MYO16: variants seen among roughly 807,000 people sequenced by gnomAD.
MYO16 encodes the protein myosin XVI.
A neutral mutation model predicts 205.3 loss-of-function variants in MYO16; 94 were observed. The ratio of observed to expected loss-of-function variants is 0.46; its 90% CI spans 0.39 to 0.54. MYO16 has a LOEUF of 0.54. MYO16 is among the 20% of genes least tolerant of loss of function. The pLI is 0.00. For missense variants in MYO16, 2,315 were observed against 2,387.5 expected (o/e 0.97, Z 0.63); for synonymous variants, 988 against 954.0 (o/e 1.04, Z -0.66).
chr13:109,161,121 C>T (rs768547970), intron 32 of MYO16, among the ~76,000 whole-genome samples: 55 of 152,110 alleles, frequency 3.6e-4, no homozygotes, highest in Non-Finnish European at 7.1e-4. Flanking sequence ...AGTAGAATGC[C>T]GCGGCTACTA....
intron 3 of MYO16, among the ~76,000 whole-genome samples, chr13:108,719,188 T>A (rs1186936111): frequency 2.0e-5 from 3 of 152,172 alleles, no homozygotes; most frequent in Non-Finnish European, 4.4e-5. Context: ...TTCCACAGAC[T>A]TCTTATAGAA....
intron 1 of MYO16, among the ~76,000 whole-genome samples, chr13:108,611,626 T>G (rs181205902): frequency 3.0e-4 from 46 of 152,314 alleles, no homozygotes; most frequent in African/African-American, 1.1e-3. Flanking sequence ...ACTAAAAAGA[T>G]AAGTCACATC....
upstream of MYO16, among the ~76,000 whole-genome samples, chr13:108,594,317 A>G (rs1878480220): frequency 6.6e-6 from 1 of 152,156 alleles, no homozygotes; most frequent in East Asian, 1.9e-4. Context: ...ATGCCCCACG[A>G]TGCCTCACTG....
At chr13:108,807,158 A>G (rs1887140654) in intron 7 of MYO16, among the ~76,000 whole-genome samples, 1 of 152,186 alleles carries the variant, frequency 6.6e-6, no homozygotes, top group African/African-American at 2.4e-5. Flanking sequence ...TATTTTATTC[A>G]TCGCAATAGT....
In MYO16 at chr13:108,866,920, G is replaced by T. The variant is rs367678367; in HGVS notation, c.1425+678G>T. Among the ~76,000 whole-genome samples the T allele has an allele frequency of 5.9e-5, 9 of 152,268 alleles. No homozygotes were observed. The South Asian group carries it at 8.3e-4, about 14-fold the overall frequency. On this transcript the variant is annotated intron_variant, in intron 12 of 34. Coordinates refer to ENST00000457511, the MANE Select transcript of MYO16 (RefSeq NM_001198950.3). ...CTCATAAGATGTGGCGGGCAGGGAG[G>T]AGGACAGAGAGAGGAGAGAAAAAAA...
At chr13:108,537,719 G>A in the MYO16 span, among the ~76,000 whole-genome samples, 1 of 152,004 alleles carries the variant, frequency 6.6e-6, no homozygotes, top group Non-Finnish European at 1.5e-5. Context: ...GTGTGAGATA[G>A]TATCTCATTG....
intron 1 of MYO16, among the ~76,000 whole-genome samples, chr13:108,662,574 C>A (rs560372303): frequency 6.6e-6 from 1 of 152,194 alleles, no homozygotes; most frequent in East Asian, 1.9e-4. Flanking sequence ...GGAAAGCCGG[C>A]AGTCACGGGC....
intron 33 of MYO16, among the ~76,000 whole-genome samples, chr13:109,178,967 T>C (rs1049776781): frequency 1.3e-5 from 2 of 152,238 alleles, no homozygotes; most frequent in African/African-American, 4.8e-5. Flanking sequence ...TTACTCTGCA[T>C]GGTTGCTCAT....
chr13:108,540,324 G>T, the MYO16 span, among the ~76,000 whole-genome samples: 1 of 152,144 alleles, frequency 6.6e-6, no homozygotes, highest in South Asian at 2.1e-4. Context: ...TGTCACAAAG[G>T]TTGTATTTTG....
chr13:109,167,065 A>T (rs1204002714), intron 33 of MYO16: 1 of 152,426 alleles, frequency 6.6e-6, no homozygotes, highest in Non-Finnish European at 1.5e-5. Context: ...GTCAACTCAC[A>T]TGGGCAGCCT....
chr13:108,887,757 C>T (rs908049224), intron 13 of MYO16, among the ~76,000 whole-genome samples: 5 of 152,154 alleles, frequency 3.3e-5, no homozygotes, highest in African/African-American at 9.7e-5. Flanking sequence ...GACAGATCCA[C>T]ATCTGAAGAC....
At chr13:108,893,486 A>G (rs1880263761) in intron 14 of MYO16, among the ~76,000 whole-genome samples, 1 of 152,206 alleles carries the variant, frequency 6.6e-6, no homozygotes, top group Non-Finnish European at 1.5e-5. Context: ...CCAAGAACCT[A>G]TTGATGATAC....
chr13:108,545,962 C>T, the MYO16 span, among the ~76,000 whole-genome samples: 2 of 152,198 alleles, frequency 1.3e-5, no homozygotes, highest in Admixed American at 6.5e-5. Context: ...TCTGCCACAT[C>T]GCAATCTCTC....
chr13:109,048,319 CTT>C (rs201765664), intron 24 of MYO16: 2 of 734,338 alleles, frequency 2.7e-6, no homozygotes, highest in South Asian at 1.5e-5. Context: ...ACAATTCAGT[CTT>C]TTTTTTTATT....
At chr13:108,873,770 G>T (rs1362835726) in intron 12 of MYO16, among the ~76,000 whole-genome samples, 1 of 151,246 alleles carries the variant, frequency 6.6e-6, no homozygotes, top group Non-Finnish European at 1.5e-5. Flanking sequence ...ACCAGGACAG[G>T]GTCCATGCCA....
rs1878709729 is a variant in MYO16 at position 108,866,239 on chromosome 13, C to T, written c.1422C>T (p.Ser474=). ...ACAAGGAGCTTCCAATTTATTCTTC[C>T]ATGGTGAGCACAAAATTTTAAATAT... ...NPYKELPIYS[S]MVSQLYFSSS... Residue 474 remains serine (S), a synonymous_variant, in exon 12 of 35, where the codon TCC becomes TCT. Coordinates refer to ENST00000457511, the MANE Select transcript of MYO16 (RefSeq NM_001198950.3). 1.3e-6 allele frequency: 2 copies of T among 1,575,286 alleles called. No homozygotes were observed. Among genetic ancestry groups the T allele is most frequent in the South Asian group, 1.1e-5 (1 of 88,062 alleles).
chr13:108,860,523 C>A (rs764758608), intron 11 of MYO16, among the ~76,000 whole-genome samples: 1 of 152,122 alleles, frequency 6.6e-6, no homozygotes, highest in Non-Finnish European at 1.5e-5. Flanking sequence ...TGGGTATATA[C>A]CCGGTAATGG....
At chr13:108,657,656 G>C (rs1422412570) in intron 1 of MYO16, among the ~76,000 whole-genome samples, 1 of 151,952 alleles carries the variant, frequency 6.6e-6, no homozygotes, top group African/African-American at 2.4e-5. Flanking sequence ...TGAAAATGTA[G>C]CTCTCTTCTT....
intron 8 of MYO16, among the ~76,000 whole-genome samples, chr13:108,821,829 G>C (rs1566350917): frequency 6.6e-6 from 1 of 152,122 alleles, no homozygotes; most frequent in Non-Finnish European, 1.5e-5. Context: ...TACCACATTG[G>C]TCATGCAAAG....
Sources: gnomAD v4.1 joint callset for allele counts (sites outside exome capture counted in the v4.1 genomes callset) on GRCh38, gnomAD v4.1.1 for gene constraint, MANE v1.5 for transcripts, NCBI Gene and HGNC (gene_info 2026-07-23, HGNC 2026-07-21) for gene names.